HECTD4: variants seen among roughly 807,000 people sequenced by gnomAD.
HECTD4 encodes the protein probable E3 ubiquitin-protein ligase HECTD4.
In HECTD4, 114 loss-of-function variants were observed where a neutral mutation model predicts 471.5. That is an observed-to-expected ratio of 0.24 (90% CI 0.21 to 0.28). HECTD4 has a LOEUF of 0.28. Among genes scored for constraint, HECTD4 ranks in the 10% least tolerant of loss-of-function variants. HECTD4 has a pLI of 1.00. For synonymous variants in HECTD4, 2,012 were observed against 2,256.0 expected, an observed-to-expected ratio of 0.89 and a Z score of 3.07; for missense variants, 3,866 against 5,651.5, an observed-to-expected ratio of 0.68 and a Z score of 10.13.
rs368043442 is a variant in HECTD4 at position 112,339,065 on chromosome 12, A to G, written c.178-19323T>C. On this transcript the variant is annotated intron_variant, in intron 1 of 75. Coordinates refer to ENST00000682272, the MANE Select transcript of HECTD4 (RefSeq NM_001388303.1). ...GGTTGCAGGGACTAGCCTACAATCC[A>G]TCAATCCACTCCTAGGTAATTCCCT... 1.8e-4 allele frequency among the ~76,000 whole-genome samples: 28 copies of G among 152,288 alleles called. No individual in the cohort carries two copies. The East Asian group carries it at 4.4e-3, about 24-fold the overall frequency.
At chr12:112,264,298 C>A in intron 16 of HECTD4, 86 bp from the exon 17 acceptor site, 1 of 1,230,038 alleles carries the variant, frequency 8.1e-7, no homozygotes, top group Non-Finnish European at 1.1e-6. Flanking sequence ...AAGATTTTGA[C>A]AAAGAAAACA....
rs556758192 is a variant in HECTD4 at position 112,309,678 on chromosome 12, G to A, written c.917-9C>T. The A allele has an allele frequency of 7.1e-4, 966 of 1,360,488 alleles. 13 individuals carry two copies. In the South Asian group the frequency reaches 0.012, roughly 16 times the overall value. The allele number at this position is 1,360,488 out of a possible 1,614,324, so 84.3% of individuals were successfully genotyped here. A position where few individuals can be genotyped will look rare whatever the true frequency, so the allele number is the denominator to read the frequency against. On this transcript the variant is annotated splice_polypyrimidine_tract_variant and intron_variant, in intron 4 of 75. Transcript: ENST00000682272. ...GCGTCCCAAGTCAGCATCTGAAATC[G>A]TTTTTTCACAGGTAAATTATATATA...
intron 25 of HECTD4, chr12:112,249,813 T>C (rs1333668192): frequency 6.0e-6 from 2 of 332,752 alleles, no homozygotes; most frequent in Non-Finnish European, 1.1e-5. Flanking sequence ...AACCTAGCAC[T>C]TGTCACACTT....
chr12:112,214,973 G>A (rs189298329), intron 48 of HECTD4, among the ~76,000 whole-genome samples: 77 of 152,220 alleles, frequency 5.1e-4, no homozygotes, highest in Non-Finnish European at 8.5e-4. Flanking sequence ...GGCCAGCATG[G>A]TGAAACCCCG....
In HECTD4 at chr12:112,369,340, C is replaced by CTTTTTT; in HGVS notation, c.177+12606_177+12611dup. On this transcript the variant is annotated intron_variant, in intron 1 of 75. Transcript: ENST00000682272. ...GCCTTATTAAGCAAACCTAGGATTT[C>CTTTTTT]TTTTTTTTTTTTTTTTTTTGAGACA... 2.3e-5 allele frequency among the ~76,000 whole-genome samples: 3 copies of CTTTTTT among 129,230 alleles called. No individual in the cohort carries two copies. The East Asian group carries it at 6.7e-4, about 29-fold the overall frequency. 84.8% of individuals were successfully genotyped at this position (129,230 alleles called of 152,430 possible). A position where few individuals can be genotyped will look rare whatever the true frequency, so the allele number is the denominator to read the frequency against.
At chr12:112,178,794 C>T (rs2031557386) in intron 64 of HECTD4, 137 bp downstream of exon 64, 1 of 1,033,716 alleles carries the variant, frequency 9.7e-7, no homozygotes, top group Non-Finnish European at 1.4e-6. Context: ...TGCACTCCAG[C>T]CTGGGCGACA....
In HECTD4 at chr12:112,295,822, T is replaced by TACAC. The variant is rs561917936; in HGVS notation, c.1335+10241_1335+10242insGTGT. On this transcript the variant is annotated intron_variant, in intron 7 of 75. Transcript: ENST00000682272. ...AAATTAAAAAAAAAATATATATATA[T>TACAC]ATACACACACACACACACACATAGT... Among the ~76,000 whole-genome samples, 1,017 of 129,890 alleles carry TACAC rather than the reference T, an allele frequency of 7.8e-3. 12 individuals are homozygous for TACAC. Among genetic ancestry groups the TACAC allele is most frequent in the African/African-American group, 0.028 (923 of 32,864 alleles). 85.2% of individuals were successfully genotyped at this position (129,890 alleles called of 152,430 possible). A position where few individuals can be genotyped will look rare whatever the true frequency, so the allele number is the denominator to read the frequency against.
chr12:112,344,928 A>AAAGAG (rs567949686), intron 1 of HECTD4, among the ~76,000 whole-genome samples: 16 of 151,934 alleles, frequency 1.1e-4, no homozygotes, highest in East Asian at 7.7e-4. Context: ...CAAAAAAAGA[A>AAAGAG]AAGAGAAGAG....
chr12:112,250,735 T>C (rs1287467565), intron 24 of HECTD4, among the ~76,000 whole-genome samples: 3 of 152,182 alleles, frequency 2.0e-5, no homozygotes, highest in Admixed American at 6.6e-5. Context: ...AATTAGACAA[T>C]AATTGTGTTG....
chr12:112,254,626 C>T (rs2033968021), intron 21 of HECTD4, among the ~76,000 whole-genome samples: 1 of 151,146 alleles, frequency 6.6e-6, no homozygotes, highest in African/African-American at 2.4e-5. Context: ...AATAAAAGCA[C>T]CAAAAAAAAT....
At chr12:112,327,559 TTC>T (rs1399622888) in intron 1 of HECTD4, among the ~76,000 whole-genome samples, 2 of 152,232 alleles carry the variant, frequency 1.3e-5, no homozygotes, top group South Asian at 2.1e-4. Context: ...ATGTTATTTT[TTC>T]TCTGTTTCAA....
At chr12:112,165,696 G>A (rs2030924855) in intron 72 of HECTD4, among the ~76,000 whole-genome samples, 1 of 152,206 alleles carries the variant, frequency 6.6e-6, no homozygotes. Context: ...GCTTGTTGGA[G>A]TTGGGATTTC....
chr12:112,382,288 T>C lies in HECTD4; in HGVS notation c.-160A>G. 1.8e-6 allele frequency: 1 copy of C among 556,412 alleles called. No homozygotes were observed. The highest frequency in any genetic ancestry group is 2.6e-6 in the Non-Finnish European group (1 of 390,170). 34.5% of individuals were successfully genotyped at this position (556,412 alleles called of 1,614,324 possible). A position where few individuals can be genotyped will look rare whatever the true frequency, so the allele number is the denominator to read the frequency against. On this transcript the variant is annotated 5_prime_UTR_variant, in exon 1 of 76. Coordinates refer to ENST00000682272, the MANE Select transcript of HECTD4 (RefSeq NM_001388303.1). ...GCAACTCCGCCCTAGGCGGTCCGAG[T>C]CGCCATACCCCCGACCCCGGCCCGG...
intron 1 of HECTD4, among the ~76,000 whole-genome samples, chr12:112,365,537 T>C (rs1013309743): frequency 6.6e-6 from 1 of 152,202 alleles, no homozygotes. Flanking sequence ...AACTGCTCAA[T>C]AGCCACATGT....
chr12:112,172,370 C>T (rs1443362691), intron 67 of HECTD4, among the ~76,000 whole-genome samples: 34 of 152,360 alleles, frequency 2.2e-4, no homozygotes, highest in Admixed American at 2.0e-3. Flanking sequence ...CTGGCCTCAG[C>T]GGGGCCTCCA....
intron 20 of HECTD4, 173 bp from the exon 21 acceptor site, chr12:112,256,691 GT>G (rs1188087322): frequency 2.5e-6 from 1 of 404,788 alleles, no homozygotes; most frequent in African/African-American, 2.1e-5. Context: ...ACATTTAAGG[GT>G]TTTTTCTTTC....
At position 112,194,369 on chromosome 12, in the gene HECTD4, A is replaced by AG. The variant is rs570844381; in HGVS notation, c.8749+515dup. Among the ~76,000 whole-genome samples, 197 of 152,276 alleles carry AG rather than the reference A, an allele frequency of 1.3e-3. 1 individual carries two copies. The highest frequency in any genetic ancestry group is 7.2e-3 in the South Asian group (35 of 4,830). ...GCGGCAGGCTGGAGGCTGAGATGCC[A>AG]GGGGAAGACAGAAAGGGCCCCTGAG... On this transcript the variant is annotated intron_variant, in intron 56 of 75. Coordinates refer to ENST00000682272, the MANE Select transcript of HECTD4 (RefSeq NM_001388303.1). This position sits in a 1 kb window ranked among gnomAD's most constrained non-coding sequence, Gnocchi z 4.6.
At chr12:112,218,413 C>G (rs1031468458) in intron 45 of HECTD4, among the ~76,000 whole-genome samples, 1 of 152,148 alleles carries the variant, frequency 6.6e-6, no homozygotes, top group African/African-American at 2.4e-5. Context: ...CTTAACTCTC[C>G]TTTGCCCCCA....
rs777958665 is a variant in HECTD4 at position 112,163,324 on chromosome 12, C to G, written c.12898-60G>C. 39 of 1,479,756 alleles carry G rather than the reference C, an allele frequency of 2.6e-5. No individual in the cohort carries two copies. The highest frequency in any genetic ancestry group is 3.5e-5 in the Non-Finnish European group (38 of 1,081,510). The allele number at this position is 1,479,756 out of a possible 1,614,324, so 91.7% of individuals were successfully genotyped here. A position where few individuals can be genotyped will look rare whatever the true frequency, so the allele number is the denominator to read the frequency against. ...GAGCCCCACCTACCCAGTGCCTCCC[C>G]AGCCCTGGGGTCTGCAGGCCAGGCC... On this transcript the variant is annotated intron_variant, in intron 74 of 75. Coordinates refer to ENST00000682272, the MANE Select transcript of HECTD4 (RefSeq NM_001388303.1). The surrounding 1 kb of genome is among the most constrained non-coding windows in gnomAD (Gnocchi z 8.2).
Sources: gnomAD v4.1 joint callset for allele counts (sites outside exome capture counted in the v4.1 genomes callset) on GRCh38, gnomAD v4.1.1 for gene constraint, Gnocchi (gnomAD v3.1) non-coding constraint, MANE v1.5 for transcripts, NCBI Gene and HGNC (gene_info 2026-07-23, HGNC 2026-07-21) for gene names.